TOMM20L: variants seen among roughly 807,000 people sequenced by gnomAD.
TOMM20L encodes translocase of outer mitochondrial membrane 20 like.
TOMM20L carries 19 observed loss-of-function variants against 20.4 expected under a neutral mutation model. The observed-to-expected ratio is 0.93, with a 90% CI of 0.65 to 1.36. The LOEUF (loss-of-function observed/expected upper bound fraction) is 1.36, where lower values mean the gene tolerates loss of function less well. Ranked by LOEUF, TOMM20L falls within the 40% of genes most tolerant of loss-of-function variation. TOMM20L has a pLI of 0.00. For missense variants in TOMM20L, 218 were observed against 203.7 expected, an observed-to-expected ratio of 1.07 and a Z score of -0.43; for synonymous variants, 75 against 79.6, an observed-to-expected ratio of 0.94 and a Z score of 0.30.
intron 3 of TOMM20L, among the ~76,000 whole-genome samples, chr14:58,405,357 T>G (rs943494551): frequency 6.6e-6 from 1 of 152,174 alleles, no homozygotes; most frequent in Non-Finnish European, 1.5e-5. Flanking sequence ...GAATTATAAG[T>G]CAGAAGAAAA....
chr14:58,400,337 A>G lies in TOMM20L; in HGVS notation c.181-2343A>G, dbSNP rs371788652. ...AGAGAATCGCTTGAACCTGGGAGACAGAGGTTGCAGTGAGCTGAAAGTTGC... is the reference window on the plus strand; with the variant it reads ...AGAGAATCGCTTGAACCTGGGAGACGGAGGTTGCAGTGAGCTGAAAGTTGC... On this transcript the variant is annotated intron_variant, in intron 2 of 4. Transcript: ENST00000360945. 5.3e-5 allele frequency among the ~76,000 whole-genome samples: 8 copies of G among 151,472 alleles called. 1 individual carries two copies. The South Asian group carries it at 6.3e-4, about 12-fold the overall frequency.
downstream of TOMM20L, chr14:58,412,000 C>A: frequency 6.5e-7 from 1 of 1,541,328 alleles, no homozygotes; most frequent in Non-Finnish European, 9.0e-7. Context: ...ACAAGTTTGT[C>A]AATCTATAAA....
intron 3 of TOMM20L, among the ~76,000 whole-genome samples, chr14:58,404,822 G>A (rs1341365375): frequency 6.6e-6 from 1 of 152,024 alleles, no homozygotes; most frequent in Admixed American, 6.6e-5. Context: ...TTTTTGAAAT[G>A]GACTAAAAAT....
chr14:58,413,155 T>G (rs2036277090), downstream of TOMM20L, among the ~76,000 whole-genome samples: 1 of 152,192 alleles, frequency 6.6e-6, no homozygotes, highest in African/African-American at 2.4e-5. Context: ...GTGAGCATTT[T>G]ACACTTACAC....
chr14:58,410,722 T>C (rs2036188388), downstream of TOMM20L: 2 of 672,436 alleles, frequency 3.0e-6, no homozygotes, highest in South Asian at 2.3e-5. Context: ...TTCCAAGCAA[T>C]GGAACATAAA....
At chr14:58,404,120 T>TATATATATATATATATATATA (rs1255379682) in intron 3 of TOMM20L, among the ~76,000 whole-genome samples, 6 of 3,404 alleles carry the variant, frequency 1.8e-3, no homozygotes, top group African/African-American at 2.5e-3. Context: ...TATATATATA[T>TATATATATATATATATATATA]TTTTTTTTTT....
intron 2 of TOMM20L, among the ~76,000 whole-genome samples, chr14:58,399,141 C>T (rs908144608): frequency 3.9e-5 from 6 of 152,180 alleles, no homozygotes; most frequent in Admixed American, 2.0e-4. Context: ...CGGCCTTGGC[C>T]TCCTGAAGTG....
downstream of TOMM20L, chr14:58,412,020 T>G (rs2036236627): frequency 7.2e-7 from 1 of 1,395,346 alleles, no homozygotes; most frequent in Admixed American, 1.8e-5. Flanking sequence ...ACAAATGTTT[T>G]TAGTCTAACT....
chr14:58,408,844 A>C, downstream of TOMM20L: 4 of 803,570 alleles, frequency 5.0e-6, no homozygotes, highest in Non-Finnish European at 7.6e-6. Context: ...GAACAATAAG[A>C]CCTTCTATTG....
intron 2 of TOMM20L, 78 bp from the exon 3 acceptor site, chr14:58,402,602 T>C: frequency 8.3e-7 from 1 of 1,206,152 alleles, no homozygotes; most frequent in Non-Finnish European, 1.2e-6. Flanking sequence ...ATGTCCTTTT[T>C]AAATAAAAAA....
At chr14:58,407,502 A>G (rs1459962155) in intron 4 of TOMM20L, 34 bp downstream of exon 4, 1 of 1,594,534 alleles carries the variant, frequency 6.3e-7, no homozygotes, top group African/African-American at 1.3e-5. Context: ...TGTGAAATGT[A>G]CACAGTAAAT....
downstream of TOMM20L, chr14:58,412,078 A>C: frequency 1.3e-6 from 1 of 752,896 alleles, no homozygotes; most frequent in Non-Finnish European, 2.2e-6. Context: ...TGTGTATGTA[A>C]TTGTATGCCA....
chr14:58,407,567 A>C (rs2036080617), intron 4 of TOMM20L, 99 bp downstream of exon 4: 11 of 1,313,290 alleles, frequency 8.4e-6, no homozygotes, highest in Non-Finnish European at 1.0e-5. Flanking sequence ...TGAATTGCCC[A>C]AAATCTTAAA....
chr14:58,410,115 A>G (rs1250238573), downstream of TOMM20L, among the ~76,000 whole-genome samples: 2 of 152,096 alleles, frequency 1.3e-5, no homozygotes, highest in African/African-American at 4.8e-5. Flanking sequence ...TCTGTCGCCC[A>G]GGCTAGAGTG....
Position 58,408,660 on chromosome 14 carries a change from C to T in TOMM20L, c.*78C>T. The T allele has an allele frequency of 2.2e-6, 3 of 1,383,858 alleles. No homozygotes were observed. Among genetic ancestry groups the T allele is most frequent in the Non-Finnish European group, 3.0e-6 (3 of 1,009,136 alleles). 85.7% of individuals were successfully genotyped at this position (1,383,858 alleles called of 1,614,324 possible). A position where few individuals can be genotyped will look rare whatever the true frequency, so the allele number is the denominator to read the frequency against. ...TATAAACAACTGCTCAGTGATATTT[C>T]CATTTATTTTACTTTGAGTAATAAA... On this transcript the variant is annotated 3_prime_UTR_variant, in exon 5 of 5. Transcript: ENST00000360945.
chr14:58,405,419 T>TA (rs1383901949), intron 3 of TOMM20L, among the ~76,000 whole-genome samples: 1 of 152,274 alleles, frequency 6.6e-6, no homozygotes, highest in East Asian at 1.9e-4. Context: ...ACTGTATGCT[T>TA]AAGAGCTATG....
chr14:58,406,963 A>G (rs1430286527), intron 3 of TOMM20L, among the ~76,000 whole-genome samples: 1 of 152,166 alleles, frequency 6.6e-6, no homozygotes, highest in African/African-American at 2.4e-5. Context: ...TATTTTTTCA[A>G]TCACACATGT....
At chr14:58,409,852 C>T (rs924196105), downstream of TOMM20L, among the ~76,000 whole-genome samples, 2 of 151,998 alleles carry the variant, frequency 1.3e-5, no homozygotes, top group Admixed American at 6.6e-5. Flanking sequence ...TGCTGAAGTT[C>T]CAGGCGTGAG....
At chr14:58,414,511 G>A in the TOMM20L span, among the ~76,000 whole-genome samples, 2 of 152,040 alleles carry the variant, frequency 1.3e-5, no homozygotes, top group Non-Finnish European at 2.9e-5. Context: ...GCTGAGGCAG[G>A]TGGATCACCT....
Sources: gnomAD v4.1 joint callset for allele counts (sites outside exome capture counted in the v4.1 genomes callset) on GRCh38, gnomAD v4.1.1 for gene constraint, MANE v1.5 for transcripts, NCBI Gene and HGNC (gene_info 2026-07-23, HGNC 2026-07-21) for gene names.